The following MYO18B variants were observed in gnomAD, a reference collection of about 807,000 sequenced individuals.
The protein encoded by MYO18B is myosin XVIIIB.
MYO18B carries 204 observed loss-of-function variants against 273.0 expected under a neutral mutation model. The observed-to-expected ratio is 0.75, with a 90% CI of 0.67 to 0.84. MYO18B has a LOEUF of 0.84. Among genes scored for constraint, MYO18B ranks in the 40% least tolerant of loss-of-function variants. The pLI is 0.00. For missense variants in MYO18B, 3,212 were observed against 3,287.6 expected, an observed-to-expected ratio of 0.98 and a Z score of 0.56; for synonymous variants, 1,330 against 1,305.7, an observed-to-expected ratio of 1.02 and a Z score of -0.40.
chr22:25,848,719 C>T (rs536422287), intron 20 of MYO18B, among the ~76,000 whole-genome samples: 4 of 152,314 alleles, frequency 2.6e-5, no homozygotes, highest in Non-Finnish European at 4.4e-5. Context: ...CCTTGCTATT[C>T]TTTTCTGCCT....
chr22:25,762,082 C>T (rs997677122), intron 2 of MYO18B, among the ~76,000 whole-genome samples: 11 of 150,620 alleles, frequency 7.3e-5, no homozygotes, highest in African/African-American at 2.0e-4. Context: ...CCAGCCCGAG[C>T]GACAGTGCGA....
chr22:25,798,501 G>A (rs1167870532), intron 12 of MYO18B, among the ~76,000 whole-genome samples: 3 of 152,150 alleles, frequency 2.0e-5, no homozygotes, highest in Non-Finnish European at 4.4e-5. Context: ...CAGTAGGGCA[G>A]CTCTAGAATA....
chr22:25,967,805 T>C (rs1298727695), intron 39 of MYO18B, among the ~76,000 whole-genome samples: 1 of 152,220 alleles, frequency 6.6e-6, no homozygotes, highest in African/African-American at 2.4e-5. Context: ...GCCAACAGGC[T>C]GAATTCGGTG....
intron 11 of MYO18B, among the ~76,000 whole-genome samples, chr22:25,790,119 C>G (rs1408220169): frequency 6.6e-6 from 1 of 152,028 alleles, no homozygotes; most frequent in Non-Finnish European, 1.5e-5. Context: ...CGCCACTGCA[C>G]TCCAGCCTGG....
Position 25,898,361 on chromosome 22 carries a change from A to G in MYO18B, c.4723A>G (p.Lys1575Glu), listed in dbSNP as rs373694181. The G allele has an allele frequency of 1.9e-6, 3 of 1,613,804 alleles. No individual in the cohort carries two copies. Among genetic ancestry groups the G allele is most frequent in the Non-Finnish European group, 2.5e-6 (3 of 1,179,868 alleles). Residue 1575 changes from lysine to glutamate, a missense_variant, in exon 29 of 44, where the codon AAG becomes GAG. Physicochemically the swap from Lys to Glu is moderately conservative, Grantham distance 56. Transcript: ENST00000335473. ...DGAKKMAHQL[K>E]RKCHHLTCDL... Reference sequence around the variant, plus strand: ...GGCCAAGAAGATGGCTCACCAACTGAAGAGGAAGTGCCACCATCTTACCTG... The same window carrying G: ...GGCCAAGAAGATGGCTCACCAACTGGAGAGGAAGTGCCACCATCTTACCTG...
intron 20 of MYO18B, 128 bp downstream of exon 20, chr22:25,847,780 T>C (rs1006725180): frequency 1.6e-5 from 11 of 671,884 alleles, no homozygotes; most frequent in Non-Finnish European, 2.5e-5. Context: ...CTGGTTACTC[T>C]TCCCAGCAGT....
intron 33 of MYO18B, among the ~76,000 whole-genome samples, chr22:25,916,186 T>C (rs2092258754): frequency 1.3e-5 from 2 of 152,216 alleles, no homozygotes; most frequent in South Asian, 2.1e-4. Context: ...TCAGATTATT[T>C]TCTTTTTAAT....
chr22:25,935,663 T>C (rs2092568093), intron 34 of MYO18B, among the ~76,000 whole-genome samples: 1 of 152,064 alleles, frequency 6.6e-6, no homozygotes, highest in Admixed American at 6.5e-5. Flanking sequence ...CCCTTGTTTC[T>C]CCCAGAGTAC....
intron 15 of MYO18B, among the ~76,000 whole-genome samples, chr22:25,830,108 G>A (rs1044371844): frequency 6.6e-6 from 1 of 151,996 alleles, no homozygotes; most frequent in African/African-American, 2.4e-5. Flanking sequence ...AGAATAATAG[G>A]TATTGAAGTT....
intron 11 of MYO18B, among the ~76,000 whole-genome samples, chr22:25,787,765 C>G (rs2087465272): frequency 6.6e-6 from 1 of 152,120 alleles, no homozygotes; most frequent in Admixed American, 6.5e-5. Context: ...ACTTGGGGGA[C>G]TCAGCAGTGT....
intron 12 of MYO18B, among the ~76,000 whole-genome samples, chr22:25,817,340 T>C (rs2089070234): frequency 6.6e-6 from 1 of 151,454 alleles, no homozygotes. Flanking sequence ...CTTTTTCTTT[T>C]CTCTCTTTCT....
chr22:25,898,029 T>A (rs55990711), intron 28 of MYO18B: 3,879 of 361,240 alleles, frequency 0.011, 133 homozygotes, highest in African/African-American at 0.068. Flanking sequence ...GTAGGTAAAG[T>A]CTGTGGGTGC....
the MYO18B span, among the ~76,000 whole-genome samples, chr22:26,043,862 G>C: frequency 0.022 from 3,318 of 152,064 alleles, 54 homozygotes; most frequent in Non-Finnish European, 0.034. Context: ...TGCTCAGGCT[G>C]GCATTGAACT....
chr22:25,954,368 G>A (rs866467373), intron 38 of MYO18B, among the ~76,000 whole-genome samples: 6 of 152,154 alleles, frequency 3.9e-5, no homozygotes, highest in Middle Eastern at 3.4e-3. Flanking sequence ...ACACATGTGG[G>A]GGAAAGGTTT....
In MYO18B at chr22:25,781,790, C is replaced by A. The variant is rs1237466619; in HGVS notation, c.2268C>A (p.Phe756Leu). 3 of 1,595,258 alleles carry A rather than the reference C, an allele frequency of 1.9e-6. No homozygotes were observed. The South Asian group carries it at 3.4e-5, about 18-fold the overall frequency. Reference protein sequence around the residue: ...VARQPEGESNFLVFSQMLAGL... With the variant: ...VARQPEGESNLLVFSQMLAGL... ...GGCAGCCGGAAGGGGAAAGTAACTTCCTGGTTTTCTCCCAGATGCTGGCTG... is the reference window on the plus strand; with the variant it reads ...GGCAGCCGGAAGGGGAAAGTAACTTACTGGTTTTCTCCCAGATGCTGGCTG... The change falls in exon 10 of 44, where the codon TTC (phenylalanine) becomes TTA (leucine). Residue 756 changes from phenylalanine (F) to leucine (L), a missense_variant. Phe to Leu is a conservative substitution (Grantham distance 22, BLOSUM62 0). Transcript: ENST00000335473.
At chr22:25,759,747 G>A (rs556509093) in intron 1 of MYO18B, among the ~76,000 whole-genome samples, 1 of 152,308 alleles carries the variant, frequency 6.6e-6, no homozygotes, top group Admixed American at 6.5e-5. Flanking sequence ...TGGAGATATG[G>A]CAAGTAAAAA....
At chr22:25,983,612 A>C (rs947777865) in intron 39 of MYO18B, 4 of 152,224 alleles carry the variant, frequency 2.6e-5, no homozygotes, top group Non-Finnish European at 2.9e-5. Flanking sequence ...CTGTAGAATT[A>C]CAGAAAAGGA....
rs553212026 is a variant in MYO18B, at chr22:25,974,583, G to A, written c.6157-17780G>A. Reference sequence around the variant, plus strand: ...CCATAGAGTCTCTGTCTCAACCTCCGAAGTCTGTCATTATAGCATGAAAGA... The same window carrying A: ...CCATAGAGTCTCTGTCTCAACCTCCAAAGTCTGTCATTATAGCATGAAAGA... On this transcript the variant is annotated intron_variant, in intron 39 of 43. Transcript: ENST00000335473. 5.9e-5 allele frequency among the ~76,000 whole-genome samples: 9 copies of A among 152,290 alleles called. No homozygotes were observed. In the East Asian group the frequency reaches 9.6e-4, roughly 16 times the overall value.
At chr22:25,934,970 G>A (rs565508132) in intron 34 of MYO18B, among the ~76,000 whole-genome samples, 3 of 152,278 alleles carry the variant, frequency 2.0e-5, no homozygotes, top group South Asian at 4.1e-4. Context: ...TTCCAGGCTC[G>A]TGTGGGTGTG....
Sources: allele counts gnomAD v4.1 joint callset (sites outside exome capture counted in the v4.1 genomes callset), GRCh38; gene constraint gnomAD v4.1.1; transcripts MANE v1.5; gene names NCBI Gene and HGNC (gene_info 2026-07-23, HGNC 2026-07-21).